TAFA1: variants seen among roughly 807,000 people sequenced by gnomAD.
TAFA1 encodes the protein chemokine-like protein TAFA-1.
Under a neutral mutation model 18.5 loss-of-function variants are expected in TAFA1, and 4 were observed. The ratio of observed to expected loss-of-function variants is 0.22; its 90% CI spans 0.11 to 0.49. The LOEUF is 0.49. Ranked by LOEUF, TAFA1 falls within the 20% of genes least tolerant of loss-of-function variation. The pLI is 0.98. For synonymous variants in TAFA1, 56 were observed against 55.2 expected (o/e 1.01, Z -0.06); for missense variants, 147 against 169.0 (o/e 0.87, Z 0.72).
chr3:68,322,868 T>C lies in TAFA1; in HGVS notation c.119-94412T>C, dbSNP rs560765091. On this transcript the variant is annotated intron_variant, in intron 2 of 4. Transcript: ENST00000478136. Reference sequence around the variant, plus strand: ...TGAGACAGAAGAATCTCTTGAACCTTGGAGGCAGAGGTTGCAGTGAGCGAA... The same window carrying C: ...TGAGACAGAAGAATCTCTTGAACCTCGGAGGCAGAGGTTGCAGTGAGCGAA... Among the ~76,000 whole-genome samples the C allele has an allele frequency of 3.3e-5, 5 of 152,136 alleles. No individual in the cohort carries two copies. The East Asian group carries it at 9.7e-4, about 30-fold the overall frequency.
chr3:68,214,913 T>TA (rs2066637179), intron 2 of TAFA1, among the ~76,000 whole-genome samples: 2 of 152,078 alleles, frequency 1.3e-5, no homozygotes, highest in East Asian at 3.9e-4. Flanking sequence ...TCCCCACAAT[T>TA]TTAGTCCAAG....
At chr3:68,152,494 T>C (rs986519046) in intron 2 of TAFA1, among the ~76,000 whole-genome samples, 3 of 152,150 alleles carry the variant, frequency 2.0e-5, no homozygotes, top group Admixed American at 6.6e-5. Flanking sequence ...GATGACTGAA[T>C]ATACCACAGA....
At chr3:68,137,283 G>A (rs1378649795) in intron 2 of TAFA1, among the ~76,000 whole-genome samples, 2 of 148,398 alleles carry the variant, frequency 1.3e-5, no homozygotes, top group East Asian at 2.0e-4. Context: ...TCTATTTTTT[G>A]TTGTTCTTTC....
chr3:68,455,026 C>T (rs1042079290), intron 3 of TAFA1, among the ~76,000 whole-genome samples: 1 of 151,862 alleles, frequency 6.6e-6, no homozygotes, highest in Non-Finnish European at 1.5e-5. Flanking sequence ...CATAAAACAT[C>T]GATAACATGT....
chr3:68,370,780 G>GTTTTTT (rs34524243), intron 2 of TAFA1, among the ~76,000 whole-genome samples: 1 of 122,138 alleles, frequency 8.2e-6, no homozygotes, highest in Non-Finnish European at 1.7e-5. Context: ...TGTTTTCGTT[G>GTTTTTT]TTTTTTTTTT....
chr3:68,342,628 T>C (rs2069103700), intron 2 of TAFA1, among the ~76,000 whole-genome samples: 1 of 152,236 alleles, frequency 6.6e-6, no homozygotes, highest in African/African-American at 2.4e-5. Flanking sequence ...ATGATTCAAA[T>C]ATTTAATCTA....
intron 2 of TAFA1, among the ~76,000 whole-genome samples, chr3:68,210,218 G>A (rs148751191): frequency 1.2e-3 from 175 of 152,026 alleles, no homozygotes; most frequent in Non-Finnish European, 1.9e-3. Context: ...AACTTATAAG[G>A]CTTCATCATA....
At position 68,384,752 on chromosome 3, in the gene TAFA1, A is replaced by G. The variant is rs949847614; in HGVS notation, c.119-32528A>G. The stretch of plus-strand genomic sequence containing the variant: ...TTTCTACCTCAATAATCTATCTAAT[A>G]TTGTCAATGGGGTGTTAAAATCTCT... On this transcript the variant is annotated intron_variant, in intron 2 of 4. Transcript: ENST00000478136. Among the ~76,000 whole-genome samples the G allele has an allele frequency of 2.0e-5, 3 of 151,964 alleles. No homozygotes were observed. The South Asian group carries it at 6.2e-4, about 32-fold the overall frequency.
At chr3:68,020,499 T>TCTACACTTTGG (rs1704664453) in intron 2 of TAFA1, among the ~76,000 whole-genome samples, 1 of 152,066 alleles carries the variant, frequency 6.6e-6, no homozygotes, top group Non-Finnish European at 1.5e-5. Context: ...ACAATGTTTG[T>TCTACACTTTGG]TCTACACTTG....
chr3:68,052,125 A>AT (rs1335095019), intron 2 of TAFA1, among the ~76,000 whole-genome samples: 1 of 152,188 alleles, frequency 6.6e-6, no homozygotes, highest in African/African-American at 2.4e-5. Flanking sequence ...GAAATGGAAT[A>AT]TCCCCATTCA....
chr3:68,235,360 T>C (rs1220242983), intron 2 of TAFA1, among the ~76,000 whole-genome samples: 3 of 152,216 alleles, frequency 2.0e-5, no homozygotes, highest in Non-Finnish European at 4.4e-5. Context: ...ATTATATTGA[T>C]AGCAGCCTTA....
chr3:68,177,035 T>C (rs1472929558), intron 2 of TAFA1, among the ~76,000 whole-genome samples: 3 of 152,196 alleles, frequency 2.0e-5, no homozygotes, highest in African/African-American at 4.8e-5. Context: ...GAAGTCTTCA[T>C]AGACCTTACT....
intron 2 of TAFA1, among the ~76,000 whole-genome samples, chr3:68,045,751 C>T (rs1451187331): frequency 6.6e-6 from 1 of 152,152 alleles, no homozygotes; most frequent in African/African-American, 2.4e-5. Context: ...ATGTATTATT[C>T]TGTGACTAGA....
At chr3:68,204,706 G>A (rs1168622092) in intron 2 of TAFA1, among the ~76,000 whole-genome samples, 1 of 151,776 alleles carries the variant, frequency 6.6e-6, no homozygotes, top group African/African-American at 2.4e-5. Context: ...TATCTAACAG[G>A]CTTCCCATAT....
At chr3:68,240,825 C>G (rs991677412) in intron 2 of TAFA1, among the ~76,000 whole-genome samples, 5 of 152,060 alleles carry the variant, frequency 3.3e-5, no homozygotes, top group African/African-American at 7.2e-5. Context: ...TTTGTACTGT[C>G]AGGGAATAAG....
chr3:68,370,055 G>A (rs955084949), intron 2 of TAFA1, among the ~76,000 whole-genome samples: 3 of 151,272 alleles, frequency 2.0e-5, no homozygotes, highest in Non-Finnish European at 2.9e-5. Flanking sequence ...TTGGGAGGCC[G>A]AGGCAGGCGG....
At chr3:68,369,100 A>C (rs2069629498) in intron 2 of TAFA1, among the ~76,000 whole-genome samples, 1 of 152,176 alleles carries the variant, frequency 6.6e-6, no homozygotes, top group Non-Finnish European at 1.5e-5. Flanking sequence ...CTTCTTTAAA[A>C]CACATTTTAT....
chr3:68,470,135 TA>T, intron 3 of TAFA1, among the ~76,000 whole-genome samples: 1 of 152,164 alleles, frequency 6.6e-6, no homozygotes, highest in Non-Finnish European at 1.5e-5. Context: ...GATGGTTTCA[TA>T]AAGGGAAGTT....
intron 3 of TAFA1, among the ~76,000 whole-genome samples, chr3:68,488,193 C>T (rs2106674397): frequency 6.6e-6 from 1 of 152,296 alleles, no homozygotes; most frequent in African/African-American, 2.4e-5. Flanking sequence ...CGTCTGCAAG[C>T]TGAGGAACAA....
Sources: gnomAD v4.1 joint callset for allele counts (sites outside exome capture counted in the v4.1 genomes callset) on GRCh38, gnomAD v4.1.1 for gene constraint, MANE v1.5 for transcripts, NCBI Gene and HGNC (gene_info 2026-07-23, HGNC 2026-07-21) for gene names.